PLBD1: variants seen among roughly 807,000 people sequenced by gnomAD.
PLBD1 encodes phospholipase B domain containing 1, also known as lysosomal leucine aminopeptidase.
PLBD1 carries 60 observed loss-of-function variants against 63.0 expected under a neutral mutation model. The observed-to-expected ratio is 0.95, with a 90% CI of 0.77 to 1.18. The LOEUF is 1.18. Among genes scored for constraint, PLBD1 ranks in the 50% most tolerant of loss-of-function variants. PLBD1 has a pLI of 0.00. For synonymous variants in PLBD1, 262 were observed against 248.0 expected (o/e 1.06, Z -0.53); for missense variants, 598 against 677.9 (o/e 0.88, Z 1.31).
intron 1 of PLBD1, among the ~76,000 whole-genome samples, chr12:14,563,248 G>A (rs1041612995): frequency 7.9e-5 from 12 of 152,160 alleles, no homozygotes; most frequent in Non-Finnish European, 1.3e-4. Flanking sequence ...GACTGGGCAC[G>A]ATGGCTCACA....
intron 6 of PLBD1, among the ~76,000 whole-genome samples, chr12:14,512,484 C>A (rs1035147078): frequency 6.6e-6 from 1 of 152,122 alleles, no homozygotes. Context: ...AAAACATCTA[C>A]ATTTAGAAAA....
At chr12:14,566,977 C>G (rs1945792236) in intron 1 of PLBD1, among the ~76,000 whole-genome samples, 1 of 152,004 alleles carries the variant, frequency 6.6e-6, no homozygotes, top group Non-Finnish European at 1.5e-5. Flanking sequence ...CGCCTGTAAT[C>G]CCAGCTACTT....
chr12:14,549,864 C>T (rs113287037), intron 2 of PLBD1, among the ~76,000 whole-genome samples: 3,846 of 152,192 alleles, frequency 0.025, 90 homozygotes, highest in Non-Finnish European at 0.038. Flanking sequence ...GACGGGTTTT[C>T]GCCATGTTGG....
chr12:14,505,563 A>G (rs1340362339), intron 10 of PLBD1, among the ~76,000 whole-genome samples: 3 of 152,172 alleles, frequency 2.0e-5, no homozygotes, highest in African/African-American at 7.2e-5. Context: ...GTCAACTAAC[A>G]ATTGGTTCCT....
intron 5 of PLBD1, 118 bp downstream of exon 5, chr12:14,536,452 A>C: frequency 9.2e-7 from 1 of 1,084,242 alleles, no homozygotes; most frequent in Non-Finnish European, 1.3e-6. Context: ...ACCATTGAAG[A>C]ACTCATGAGC....
intron 2 of PLBD1, among the ~76,000 whole-genome samples, chr12:14,550,878 CA>C (rs778500118): frequency 0.017 from 1,918 of 115,084 alleles, 48 homozygotes; most frequent in African/African-American, 0.053. Context: ...AACTCCGTCT[CA>C]AAAAAAAAAA....
intron 2 of PLBD1, among the ~76,000 whole-genome samples, chr12:14,552,061 T>C (rs1262826505): frequency 6.6e-6 from 1 of 152,172 alleles, no homozygotes; most frequent in Non-Finnish European, 1.5e-5. Context: ...CAATAACTAG[T>C]CATTCAACAT....
chr12:14,562,476 A>AAG (rs1297162212), intron 1 of PLBD1, among the ~76,000 whole-genome samples: 1 of 150,604 alleles, frequency 6.6e-6, no homozygotes, highest in East Asian at 1.9e-4. Context: ...AAAAAAAAAA[A>AAG]AAAGACTGTA....
chr12:14,521,684 G>A (rs1945377669), intron 6 of PLBD1, among the ~76,000 whole-genome samples: 1 of 152,028 alleles, frequency 6.6e-6, no homozygotes, highest in African/African-American at 2.4e-5. Flanking sequence ...CTATACAACT[G>A]GAAGAGGCAT....
In PLBD1 at chr12:14,511,635, A is replaced by G; in HGVS notation, c.921T>C (p.Phe307=). 1 of 1,614,184 alleles carries G rather than the reference A, an allele frequency of 6.2e-7. No individual in the cohort carries two copies. The highest frequency in any genetic ancestry group is 8.5e-7 in the Non-Finnish European group (1 of 1,180,018). The stretch of plus-strand genomic sequence containing the variant: ...TTACCTGCTTTAGCAGGGTTTTATT[A>G]AACACACTGTTTGTGGTCTGCAGCA... ...LILLQTTNSV[F]NKTLLKQVIP... is the part of the protein sequence containing the mutation. The change falls in exon 7 of 11, where the codon TTT becomes TTC. Residue 307 remains phenylalanine, a synonymous_variant. Transcript: ENST00000240617.
chr12:14,509,657 G>T (rs79539735), intron 8 of PLBD1, among the ~76,000 whole-genome samples: 2,546 of 152,208 alleles, frequency 0.017, 66 homozygotes, highest in African/African-American at 0.058. Context: ...TCAATTTGGG[G>T]ACCTGGAAAA....
At chr12:14,540,541 A>T (rs959153803) in intron 4 of PLBD1, among the ~76,000 whole-genome samples, 1 of 152,146 alleles carries the variant, frequency 6.6e-6, no homozygotes, top group African/African-American at 2.4e-5. Flanking sequence ...AGTATTATGG[A>T]AGATTGAAAA....
intron 6 of PLBD1, among the ~76,000 whole-genome samples, chr12:14,517,235 C>T (rs1426419273): frequency 6.6e-6 from 1 of 152,142 alleles, no homozygotes; most frequent in Non-Finnish European, 1.5e-5. Flanking sequence ...CAGCTTCAAA[C>T]CCCCAGGATC....
At chr12:14,540,019 TATATATATATA>T (rs1565577542) in intron 4 of PLBD1, among the ~76,000 whole-genome samples, 1,150 of 87,648 alleles carry the variant, frequency 0.013, 71 homozygotes, top group South Asian at 0.028. Flanking sequence ...TGCACATATA[TATATATATATA>T]TATATATATA....
intron 6 of PLBD1, 61 bp from the exon 7 acceptor site, chr12:14,511,772 A>G (rs982188092): frequency 6.8e-7 from 1 of 1,480,078 alleles, no homozygotes; most frequent in Non-Finnish European, 9.4e-7. Context: ...AACCATCATT[A>G]TTGACAAAGA....
chr12:14,567,454 G>T (rs1028580279), intron 1 of PLBD1, 128 bp downstream of exon 1: 82 of 1,297,874 alleles, frequency 6.3e-5, no homozygotes, highest in Non-Finnish European at 7.5e-5. Context: ...CCGGAGGCGC[G>T]TTTCTCTGAG....
chr12:14,511,375 A>G lies in PLBD1; in HGVS notation c.1071T>C (p.Val357=), dbSNP rs774975019. ...TCAGCTTTACTTTCTTCAGGTCCAG[A>G]ACCATGTATTGATTGTTATAGGTGC... ...NSGTYNNQYM[V]LDLKKVKLNH... The change falls in exon 8 of 11, where the codon GTT becomes GTC. Residue 357 remains valine (V), a synonymous_variant. Coordinates refer to ENST00000240617, the MANE Select transcript of PLBD1 (RefSeq NM_024829.6). The G allele has an allele frequency of 3.7e-6, 6 of 1,613,848 alleles. No homozygotes were observed. The highest frequency in any genetic ancestry group is 5.1e-6 in the Non-Finnish European group (6 of 1,179,864).
chr12:14,539,910 A>G (rs1592004247), intron 4 of PLBD1, among the ~76,000 whole-genome samples: 1 of 148,490 alleles, frequency 6.7e-6, no homozygotes, highest in East Asian at 2.0e-4. Context: ...ACACATATAT[A>G]CACAGACATG....
chr12:14,562,287 C>T (rs924983056), intron 1 of PLBD1, among the ~76,000 whole-genome samples: 5 of 151,922 alleles, frequency 3.3e-5, no homozygotes, highest in African/African-American at 4.8e-5. Context: ...GTGAAACTCC[C>T]GTCTCTACTT....
Sources: gnomAD v4.1 joint callset for allele counts (sites outside exome capture counted in the v4.1 genomes callset) on GRCh38, gnomAD v4.1.1 for gene constraint, MANE v1.5 for transcripts, NCBI Gene and HGNC (gene_info 2026-07-23, HGNC 2026-07-21) for gene names.